The following PARVA variants were observed in gnomAD, a reference collection of about 807,000 sequenced individuals.
PARVA encodes parvin alpha.
Under a neutral mutation model 52.6 loss-of-function variants are expected in PARVA, and 25 were observed. The ratio of observed to expected loss-of-function variants is 0.48; its 90% CI spans 0.35 to 0.66. The LOEUF is 0.66. Ranked by LOEUF, PARVA falls within the 30% of genes least tolerant of loss-of-function variation. The pLI is 0.01. For synonymous variants in PARVA, 185 were observed against 179.1 expected, an observed-to-expected ratio of 1.03 and a Z score of -0.26; for missense variants, 373 against 450.9, an observed-to-expected ratio of 0.83 and a Z score of 1.56.
chr11:12,525,763 C>T lies in PARVA; in HGVS notation c.1043-2086C>T, dbSNP rs114091427. Among the ~76,000 whole-genome samples the T allele has an allele frequency of 1.3e-3, 197 of 152,256 alleles. 1 individual carries two copies. Among genetic ancestry groups the T allele is most frequent in the African/African-American group, 4.7e-3 (194 of 41,562 alleles). On this transcript the variant is annotated intron_variant, in intron 12 of 12. Transcript: ENST00000334956. The stretch of plus-strand genomic sequence containing the variant: ...TGATGAAGCACCATGGGAGCAGAAA[C>T]AGAATCTGGGAGCTCCAGGCCACTC...
At chr11:12,452,788 T>C in intron 1 of PARVA, 1 of 273,274 alleles carries the variant, frequency 3.7e-6, no homozygotes, top group Non-Finnish European at 7.6e-6. Context: ...GAGTCTCCAG[T>C]GGCATCGTAT....
At position 12,377,813 on chromosome 11, in the gene PARVA, GGTAGGAGCCGGGGGTGCC is replaced by G. The variant is rs1405774543; in HGVS notation, c.136+36_136+53del. 4.1e-6 allele frequency: 6 copies of G among 1,465,528 alleles called. No homozygotes were observed. The Admixed American group carries it at 1.6e-4, about 39-fold the overall frequency. The allele number at this position is 1,465,528 out of a possible 1,614,324, so 90.8% of individuals were successfully genotyped here. ...GTGCGGCCAGGCCGGCCGGGCGGGC[GGTAGGAGCCGGGGGTGCC>G]GTAGGGGCCGAGGGGCCGGGGCACT... On this transcript the variant is annotated intron_variant, in intron 1 of 12. Coordinates refer to ENST00000334956, the MANE Select transcript of PARVA (RefSeq NM_018222.5).
chr11:12,489,184 A>G (rs910292614), intron 4 of PARVA, among the ~76,000 whole-genome samples: 1 of 151,976 alleles, frequency 6.6e-6, no homozygotes, highest in Non-Finnish European at 1.5e-5. Context: ...AAGAAAAAGA[A>G]AAAAAGTGTT....
chr11:12,523,032 G>A (rs1464145146), intron 12 of PARVA, among the ~76,000 whole-genome samples: 1 of 152,048 alleles, frequency 6.6e-6, no homozygotes, highest in African/African-American at 2.4e-5. Context: ...ACGGGCAGGA[G>A]TTCATTTTCA....
chr11:12,468,972 T>C (rs1000284067), intron 1 of PARVA, among the ~76,000 whole-genome samples: 5 of 152,146 alleles, frequency 3.3e-5, no homozygotes, highest in African/African-American at 1.2e-4. Flanking sequence ...GGGATCAAGA[T>C]CATCATGATT....
intron 1 of PARVA, among the ~76,000 whole-genome samples, chr11:12,404,903 A>G (rs775416334): frequency 1.8e-4 from 27 of 152,340 alleles, no homozygotes; most frequent in Non-Finnish European, 2.9e-4. Context: ...AATGTAATTG[A>G]CATGGTTCTC....
At chr11:12,511,487 A>G in intron 7 of PARVA, 27 bp from the exon 8 acceptor site, 1 of 1,610,786 alleles carries the variant, frequency 6.2e-7, no homozygotes, top group Non-Finnish European at 8.5e-7. Context: ...GAAGAGTCAC[A>G]CTATTTTCTT....
At chr11:12,496,377 CG>C (rs1941299011) in intron 4 of PARVA, 80 bp from the exon 5 acceptor site, 2 of 1,052,834 alleles carry the variant, frequency 1.9e-6, no homozygotes, top group South Asian at 3.4e-5. Context: ...CATGAGAGAC[CG>C]AATAACTGAG....
At chr11:12,413,863 G>A (rs1161146877) in intron 1 of PARVA, among the ~76,000 whole-genome samples, 1 of 152,240 alleles carries the variant, frequency 6.6e-6, no homozygotes, top group Admixed American at 6.5e-5. Context: ...TTCTTGAACA[G>A]GAGAAAGTTT....
intron 1 of PARVA, among the ~76,000 whole-genome samples, chr11:12,440,982 C>G (rs1309905755): frequency 6.6e-6 from 1 of 152,252 alleles, no homozygotes; most frequent in Non-Finnish European, 1.5e-5. Context: ...GGTAACCTAA[C>G]ATAGCGCATG....
At chr11:12,496,867 A>AACTC (rs1941305826) in intron 5 of PARVA, among the ~76,000 whole-genome samples, 2 of 152,208 alleles carry the variant, frequency 1.3e-5, no homozygotes. Flanking sequence ...AAGGGAAGGA[A>AACTC]ACTCATTCAC....
chr11:12,481,756 G>A (rs990535276), intron 4 of PARVA, among the ~76,000 whole-genome samples: 2 of 152,106 alleles, frequency 1.3e-5, no homozygotes, highest in Non-Finnish European at 2.9e-5. Flanking sequence ...TTTGGGCAGC[G>A]AGCTGGAGGG....
intron 1 of PARVA, among the ~76,000 whole-genome samples, chr11:12,403,696 A>G (rs969301048): frequency 6.6e-6 from 1 of 152,220 alleles, no homozygotes. Flanking sequence ...AAATTTAGCT[A>G]CTCAGATACA....
chr11:12,475,260 T>A (rs936063618), intron 3 of PARVA, among the ~76,000 whole-genome samples: 1 of 152,198 alleles, frequency 6.6e-6, no homozygotes, highest in African/African-American at 2.4e-5. Context: ...ATGCCCCTCA[T>A]CTGAAAGTCT....
Position 12,530,168 on chromosome 11 carries a change from T to A in PARVA, c.*2243T>A, listed in dbSNP as rs1478018246. On this transcript the variant is annotated 3_prime_UTR_variant, in exon 13 of 13. Coordinates refer to ENST00000334956, the MANE Select transcript of PARVA (RefSeq NM_018222.5). Reference sequence around the variant, plus strand: ...AATACATTGGAACACTAGGAAAGTTTTTAAATAACAGTTCTAATTTATCAG... The same window carrying A: ...AATACATTGGAACACTAGGAAAGTTATTAAATAACAGTTCTAATTTATCAG... 1 of 152,242 alleles carries A rather than the reference T, an allele frequency of 6.6e-6. No homozygotes were observed. Among genetic ancestry groups the A allele is most frequent in the East Asian group, 1.9e-4 (1 of 5,206 alleles). The allele number at this position is 152,242 out of a possible 1,614,324, so 9.4% of individuals were successfully genotyped here.
At chr11:12,420,081 T>A (rs1372945275) in intron 1 of PARVA, among the ~76,000 whole-genome samples, 1 of 152,196 alleles carries the variant, frequency 6.6e-6, no homozygotes, top group Non-Finnish European at 1.5e-5. Context: ...TTCCTTGAAG[T>A]CTTTGAGTTT....
rs4757594 is a variant in PARVA, at chr11:12,533,208, G to C, written c.*5283G>C. ...GGAACTGGACAGAGTGGACGAGGCT[G>C]CATGTGTGGAGGGAATGAAATAAGG... On this transcript the variant is annotated 3_prime_UTR_variant, in exon 13 of 13. Transcript: ENST00000334956. 0.39 allele frequency among the ~76,000 whole-genome samples: 58,914 copies of C among 152,026 alleles called. 11,651 individuals are homozygous for C. Among genetic ancestry groups the C allele is most frequent in the East Asian group, 0.55 (2,831 of 5,146 alleles).
chr11:12,466,026 G>T (rs1283108574), intron 1 of PARVA, among the ~76,000 whole-genome samples: 1 of 151,944 alleles, frequency 6.6e-6, no homozygotes, highest in Non-Finnish European at 1.5e-5. Context: ...AGTTTTTTTT[G>T]GATTATAGCC....
At chr11:12,423,065 G>A (rs1940175532) in intron 1 of PARVA, among the ~76,000 whole-genome samples, 2 of 152,144 alleles carry the variant, frequency 1.3e-5, no homozygotes, top group Admixed American at 1.3e-4. Flanking sequence ...TGTTGGCCAG[G>A]CTGGTCTCGA....
Sources: gnomAD v4.1 joint callset for allele counts (sites outside exome capture counted in the v4.1 genomes callset) on GRCh38, gnomAD v4.1.1 for gene constraint, MANE v1.5 for transcripts, NCBI Gene and HGNC (gene_info 2026-07-23, HGNC 2026-07-21) for gene names.